NTM: variants seen among roughly 807,000 people sequenced by gnomAD.
The protein encoded by NTM is IgLON family member 2.
A neutral mutation model predicts 42.1 loss-of-function variants in NTM; 13 were observed. The ratio of observed to expected loss-of-function variants is 0.31; its 90% CI spans 0.20 to 0.49. The LOEUF (loss-of-function observed/expected upper bound fraction) is 0.49, where lower values mean the gene tolerates loss of function less well. Ranked by LOEUF, NTM falls within the 20% of genes least tolerant of loss-of-function variation. The probability of loss-of-function intolerance (pLI) is 0.99; values close to 1 mark genes in which losing one functional copy is unlikely to be tolerated. For missense variants in NTM, 373 were observed against 452.8 expected (o/e 0.82, Z 1.60); for synonymous variants, 187 against 179.2 (o/e 1.04, Z -0.35).
At chr11:132,137,114 C>T (rs1485072775) in intron 2 of NTM, among the ~76,000 whole-genome samples, 4 of 152,218 alleles carry the variant, frequency 2.6e-5, no homozygotes, top group African/African-American at 7.2e-5. Flanking sequence ...TCAGTTTAAT[C>T]AGTGTAATTG....
At chr11:131,528,606 G>C (rs1290405673) in intron 1 of NTM, among the ~76,000 whole-genome samples, 2 of 152,188 alleles carry the variant, frequency 1.3e-5, no homozygotes, top group Non-Finnish European at 2.9e-5. Flanking sequence ...GTTGTGTTAA[G>C]GCATGGATTC....
rs940664371 is a variant in NTM at position 131,910,446 on chromosome 11, G to A, written c.83-1118G>A. Reference sequence around the variant, plus strand: ...GCACAGCCTGGGCCCGGCGCGGCGGGGGTTAAGGTGGGCGCCCGCGCCCCG... The same window carrying A: ...GCACAGCCTGGGCCCGGCGCGGCGGAGGTTAAGGTGGGCGCCCGCGCCCCG... On this transcript the variant is annotated intron_variant, in intron 1 of 8. Transcript: ENST00000683400. 6.0e-4 allele frequency among the ~76,000 whole-genome samples: 91 copies of A among 151,074 alleles called. 1 individual carries two copies. The highest frequency in any genetic ancestry group is 3.2e-3 in the Admixed American group (49 of 15,146).
intron 4 of NTM, among the ~76,000 whole-genome samples, chr11:132,218,647 T>C (rs535843590): frequency 3.3e-5 from 5 of 151,646 alleles, no homozygotes; most frequent in Non-Finnish European, 7.4e-5. Flanking sequence ...ATAGAAGGAG[T>C]TTTCGCTCTG....
At chr11:132,175,589 A>AC (rs1292091317) in intron 3 of NTM, among the ~76,000 whole-genome samples, 4 of 147,508 alleles carry the variant, frequency 2.7e-5, no homozygotes, top group East Asian at 4.0e-4. Flanking sequence ...AATCCTACCC[A>AC]CCCCCCTTTT....
At chr11:131,689,369 G>A (rs1051952367) in intron 1 of NTM, among the ~76,000 whole-genome samples, 1 of 152,240 alleles carries the variant, frequency 6.6e-6, no homozygotes, top group Non-Finnish European at 1.5e-5. Flanking sequence ...GGGGCTGGAA[G>A]GACTGAGAAA....
At chr11:131,611,385 G>A (rs2061452676) in intron 1 of NTM, among the ~76,000 whole-genome samples, 1 of 152,116 alleles carries the variant, frequency 6.6e-6, no homozygotes, top group South Asian at 2.1e-4. Flanking sequence ...GCTCCTGCAT[G>A]TATGATAGCA....
Position 131,560,041 on chromosome 11 carries a change from A to G in NTM, c.82+189153A>G, listed in dbSNP as rs2056019608. ...GACTCTGCAATTGGTGCTATTTAAA[A>G]CAGGAAACAGCAAGTTAAAAAATGA... On this transcript the variant is annotated intron_variant, in intron 1 of 8. Coordinates refer to ENST00000683400, the MANE Select transcript of NTM (RefSeq NM_001352005.2). 2.0e-5 allele frequency among the ~76,000 whole-genome samples: 3 copies of G among 152,232 alleles called. No homozygotes were observed. In the South Asian group the frequency reaches 6.2e-4, roughly 31 times the overall value.
intron 2 of NTM, among the ~76,000 whole-genome samples, chr11:132,085,007 C>A (rs146714068): frequency 6.6e-6 from 1 of 152,216 alleles, no homozygotes; most frequent in East Asian, 1.9e-4. Context: ...TTAAGAAAAC[C>A]TTTGTGCTTT....
chr11:131,732,615 G>T (rs1357715197), intron 1 of NTM, among the ~76,000 whole-genome samples: 1 of 152,166 alleles, frequency 6.6e-6, no homozygotes, highest in East Asian at 1.9e-4. Flanking sequence ...TTCACAGAAA[G>T]TCTCATTATC....
In NTM at chr11:132,003,189, C is replaced by T. The variant is rs757972847; in HGVS notation, c.167+91541C>T. Among the ~76,000 whole-genome samples, 2 of 151,998 alleles carry T rather than the reference C, an allele frequency of 1.3e-5. No homozygotes were observed. Among genetic ancestry groups the T allele is most frequent in the African/African-American group, 2.4e-5 (1 of 41,362 alleles). ...GAGTTATTTCGCTCTGCCAGTGGTG[C>T]ACTTCAGAAACACCTGGAGGCTTGT... On this transcript the variant is annotated intron_variant, in intron 2 of 8. Coordinates refer to ENST00000683400, the MANE Select transcript of NTM (RefSeq NM_001352005.2). This position sits in a 1 kb window ranked among gnomAD's most constrained non-coding sequence, Gnocchi z 6.0.
intron 1 of NTM, among the ~76,000 whole-genome samples, chr11:131,853,474 A>C (rs2045792990): frequency 6.6e-6 from 1 of 152,132 alleles, no homozygotes; most frequent in African/African-American, 2.4e-5. Flanking sequence ...GCTCCCACTT[A>C]TAAGTGAGAG....
In NTM at chr11:131,865,726, C is replaced by T. The variant is rs1246918208; in HGVS notation, c.83-45838C>T. Among the ~76,000 whole-genome samples the T allele has an allele frequency of 3.2e-5, 3 of 93,390 alleles. No homozygotes were observed. In the East Asian group the frequency reaches 1.8e-3, roughly 57 times the overall value. 61.3% of individuals were successfully genotyped at this position (93,390 alleles called of 152,430 possible). On this transcript the variant is annotated intron_variant, in intron 1 of 8. Transcript: ENST00000683400. ...ACACCCCACACACTGACACACCCCA[C>T]CTGCTCTCACACGTTGCACACACAC... is the stretch of plus-strand genomic sequence containing the variant.
At chr11:132,001,483 G>A (rs548838329) in intron 2 of NTM, among the ~76,000 whole-genome samples, 10 of 152,232 alleles carry the variant, frequency 6.6e-5, no homozygotes, top group Admixed American at 5.2e-4. Context: ...GCATGGCACC[G>A]GCATCTGCTT....
At chr11:131,558,971 A>T (rs2055840070) in intron 1 of NTM, among the ~76,000 whole-genome samples, 1 of 150,998 alleles carries the variant, frequency 6.6e-6, no homozygotes, top group Non-Finnish European at 1.5e-5. Context: ...AGCAAAACTT[A>T]ATAATTAGTG....
chr11:132,043,550 G>A (rs537816242), intron 2 of NTM, among the ~76,000 whole-genome samples: 1 of 152,208 alleles, frequency 6.6e-6, no homozygotes, highest in African/African-American at 2.4e-5. Context: ...CACAGACTCT[G>A]ACTCAGCCAG....
intron 2 of NTM, among the ~76,000 whole-genome samples, chr11:131,992,539 C>T (rs1323348638): frequency 2.0e-5 from 3 of 152,168 alleles, no homozygotes; most frequent in Non-Finnish European, 1.5e-5. Context: ...GGACAGGAAT[C>T]GCATCAGGGA....
intron 1 of NTM, among the ~76,000 whole-genome samples, chr11:131,427,485 A>G (rs919888434): frequency 6.6e-6 from 1 of 152,226 alleles, no homozygotes; most frequent in African/African-American, 2.4e-5. Flanking sequence ...CCAGAAAACC[A>G]CATCAGGATT....
Position 131,370,844 on chromosome 11 carries a change from C to T in NTM, c.38C>T (p.Ser13Phe). ...TIQPKMHNSI[S>F]WAIFTGLAAL... Reference sequence around the variant, plus strand: ...CAGCCAAAAATGCACAATTCTATCTCTTGGGCAATCTTCACGGGGCTGGCT... The same window carrying T: ...CAGCCAAAAATGCACAATTCTATCTTTTGGGCAATCTTCACGGGGCTGGCT... The change falls in exon 1 of 9, where the codon TCT becomes TTT. Residue 13 changes from serine to phenylalanine, a missense_variant. By Grantham distance (155) the Ser-to-Phe change is radical (BLOSUM62 -2). Around this residue, in one of 3 missense-constraint regions of NTM, gnomAD observed 29 missense variants for 30.4 expected, o/e 0.95. Transcript: ENST00000683400. 6.2e-7 allele frequency: 1 copy of T among 1,614,152 alleles called. No homozygotes were observed. Among genetic ancestry groups the T allele is most frequent in the South Asian group, 1.1e-5 (1 of 91,082 alleles).
chr11:131,517,489 G>A (rs1221476799), intron 1 of NTM, among the ~76,000 whole-genome samples: 1 of 152,170 alleles, frequency 6.6e-6, no homozygotes, highest in East Asian at 1.9e-4. Context: ...GGGGAGTAGA[G>A]GCCTGAATGA....
Sources: allele counts gnomAD v4.1 joint callset (sites outside exome capture counted in the v4.1 genomes callset), GRCh38; gene constraint gnomAD v4.1.1; regional missense constraint gnomAD v4.1.1; non-coding constraint Gnocchi (gnomAD v3.1); transcripts MANE v1.5; gene names NCBI Gene and HGNC (gene_info 2026-07-23, HGNC 2026-07-21).